Variants in CDC14B observed in about 807,000 individuals in gnomAD.
CDC14B encodes the protein cell division cycle 14B.
In CDC14B, 22 loss-of-function variants were observed where a neutral mutation model predicts 64.2. That is an observed-to-expected ratio of 0.34 (90% CI 0.24 to 0.49). The LOEUF (loss-of-function observed/expected upper bound fraction) is 0.49. Among genes scored for constraint, CDC14B ranks in the 20% least tolerant of loss-of-function variants. CDC14B has a pLI of 0.99. For synonymous variants in CDC14B, 191 were observed against 215.8 expected (o/e 0.89, Z 1.01); for missense variants, 498 against 629.9 (o/e 0.79, Z 2.24).
At chr9:96,577,200 G>A (rs1844865619) in intron 1 of CDC14B, among the ~76,000 whole-genome samples, 1 of 148,732 alleles carries the variant, frequency 6.7e-6, no homozygotes, top group Non-Finnish European at 1.5e-5. Flanking sequence ...GCAGTGAGCA[G>A]AGATCACACC....
intron 4 of CDC14B, among the ~76,000 whole-genome samples, chr9:96,556,903 C>T (rs973245933): frequency 6.6e-6 from 1 of 152,170 alleles, no homozygotes; most frequent in Admixed American, 6.5e-5. Flanking sequence ...TCCAAGATCA[C>T]ACCGCCTATT....
rs553321476 is a variant in CDC14B at position 96,515,646 on chromosome 9, T to TA, written c.1344-5858dup. 5 of 1,563,336 alleles carry TA rather than the reference T, an allele frequency of 3.2e-6. No homozygotes were observed. The South Asian group carries it at 3.5e-5, about 11-fold the overall frequency. On this transcript the variant is annotated intron_variant, in intron 12 of 13. Coordinates refer to ENST00000375241, the MANE Select transcript of CDC14B (RefSeq NM_033331.4). The surrounding 1 kb of genome is among the most constrained non-coding windows in gnomAD (Gnocchi z 4.3). ...CGGCAGAGAAACAGAACGGGACACT[T>TA]ACAGCAGCTATCTGTCAGGGGGTCC...
Position 96,512,211 on chromosome 9 carries a change from T to TAA in CDC14B, c.1344-2424_1344-2423dup, listed in dbSNP as rs61561306. On this transcript the variant is annotated intron_variant, in intron 12 of 13. Transcript: ENST00000375241. Reference sequence around the variant, plus strand: ...CCAGCCAGGTGATAGAGACTTTGTATAAAAAAAAAAAAGAAGAGTGTATAT... The same window carrying TAA: ...CCAGCCAGGTGATAGAGACTTTGTATAAAAAAAAAAAAAAGAAGAGTGTATAT... Among the ~76,000 whole-genome samples, 343 of 135,632 alleles carry TAA rather than the reference T, an allele frequency of 2.5e-3. 1 individual carries two copies. Among genetic ancestry groups the TAA allele is most frequent in the African/African-American group, 8.7e-3 (321 of 36,844 alleles). 89.0% of individuals were successfully genotyped at this position (135,632 alleles called of 152,430 possible).
chr9:96,510,090 T>C (rs1564199801), intron 12 of CDC14B, among the ~76,000 whole-genome samples: 1 of 152,170 alleles, frequency 6.6e-6, no homozygotes, highest in Non-Finnish European at 1.5e-5. Context: ...AAAGAAATCT[T>C]TGTGCCCAAC....
In CDC14B at chr9:96,509,770, C is replaced by T. The variant is rs1309752202; in HGVS notation, c.1363G>A (p.Val455Ile). 3 of 1,605,472 alleles carry T rather than the reference C, an allele frequency of 1.9e-6. No homozygotes were observed. In the Admixed American group the frequency reaches 5.0e-5, roughly 27 times the overall value. Residue 455 changes from valine (V) to isoleucine (I), a missense_variant, in exon 13 of 14, where the codon GTT becomes ATT. Val to Ile is a conservative substitution (Grantham distance 29, BLOSUM62 3). Transcript: ENST00000375241. ...IPLTVILQSS[V>I]QSCKTSEPNI... ...GGTTCAGATGTTTTACAGCTCTGAA[C>T]ACTGGATTGAAGAATTACTCTGAAA...
rs1839685329 is a variant in CDC14B, at chr9:96,539,073, C to G, written c.627+5G>C. 6.3e-7 allele frequency: 1 copy of G among 1,589,366 alleles called. No homozygotes were observed. The highest frequency in any genetic ancestry group is 1.3e-5 in the African/African-American group (1 of 74,486). On this transcript the variant is annotated splice_donor_5th_base_variant and intron_variant, in intron 7 of 13. Transcript: ENST00000375241. ...GAGTTGAAAACATGATCCTTGAAGA[C>G]TTACTTCATAGTGTTCATATTCATC...
chr9:96,505,442 A>G (rs75856051), intron 13 of CDC14B, among the ~76,000 whole-genome samples: 2,084 of 152,302 alleles, frequency 0.014, 47 homozygotes, highest in African/African-American at 0.047. Context: ...ATAAGCTAAC[A>G]AACACGCACC....
chr9:96,593,958 AT>A (rs778483487), intron 1 of CDC14B, among the ~76,000 whole-genome samples: 27 of 152,326 alleles, frequency 1.8e-4, no homozygotes, highest in Non-Finnish European at 3.5e-4. Context: ...TGAAGAAAAT[AT>A]TTAGACGTAA....
chr9:96,548,753 A>C (rs1841359841), intron 5 of CDC14B, among the ~76,000 whole-genome samples: 1 of 151,834 alleles, frequency 6.6e-6, no homozygotes, highest in South Asian at 2.1e-4. Context: ...GTGAGCCAAG[A>C]TTGCGCCACT....
At chr9:96,549,658 C>G (rs932544201) in intron 5 of CDC14B, among the ~76,000 whole-genome samples, 11 of 149,146 alleles carry the variant, frequency 7.4e-5, no homozygotes, top group Non-Finnish European at 1.5e-4. Flanking sequence ...AGCAAGACTC[C>G]GTCTAAAAAA....
exon 14 of CDC14B, chr9:96,492,332 AG>A (rs1030705917): frequency 9.2e-5 from 14 of 152,482 alleles, no homozygotes; most frequent in African/African-American, 3.1e-4. Flanking sequence ...TTGTGCCACC[AG>A]GGCGGCTCCT....
intron 12 of CDC14B, among the ~76,000 whole-genome samples, chr9:96,511,066 A>C (rs1431577176): frequency 6.6e-6 from 1 of 152,168 alleles, no homozygotes; most frequent in Non-Finnish European, 1.5e-5. Context: ...GCCAATAACA[A>C]CTTATGAGAA....
chr9:96,511,621 G>A lies in CDC14B; in HGVS notation c.1344-1832C>T, dbSNP rs1270791332. On this transcript the variant is annotated intron_variant, in intron 12 of 13. Transcript: ENST00000375241. ...GGCCAGCGGTCCCAAGCCTTCTGGG[G>A]AGAAGGGGATGGGCAGCTTTCCCCA... Among the ~76,000 whole-genome samples the A allele has an allele frequency of 3.3e-5, 5 of 152,196 alleles. No homozygotes were observed. In the East Asian group the frequency reaches 9.6e-4, roughly 29 times the overall value.
chr9:96,537,595 T>C (rs1036741197), intron 7 of CDC14B, among the ~76,000 whole-genome samples: 1 of 152,234 alleles, frequency 6.6e-6, no homozygotes, highest in Non-Finnish European at 1.5e-5. Context: ...TCTTTATCAC[T>C]ACTGGAGAAG....
chr9:96,591,992 G>A (rs1282071145), intron 1 of CDC14B, among the ~76,000 whole-genome samples: 2 of 152,086 alleles, frequency 1.3e-5, no homozygotes, highest in South Asian at 2.1e-4. Flanking sequence ...TGATCTGCCC[G>A]CCTCGGCCTC....
At chr9:96,571,817 T>C (rs560360944) in intron 1 of CDC14B, among the ~76,000 whole-genome samples, 1 of 152,252 alleles carries the variant, frequency 6.6e-6, no homozygotes, top group South Asian at 2.1e-4. Flanking sequence ...AGGGCTCTAA[T>C]ATGACTGTGA....
intron 1 of CDC14B, among the ~76,000 whole-genome samples, chr9:96,619,016 G>A (rs967022940): frequency 6.6e-6 from 1 of 151,450 alleles, no homozygotes; most frequent in Non-Finnish European, 1.5e-5. Flanking sequence ...CGCAGCCCAC[G>A]CAGCTAGAAA....
chr9:96,561,806 A>G (rs1237969829), intron 4 of CDC14B, among the ~76,000 whole-genome samples: 2 of 151,830 alleles, frequency 1.3e-5, no homozygotes, highest in Non-Finnish European at 2.9e-5. Flanking sequence ...CTTTTTTTCA[A>G]GTCTCAGAGA....
At chr9:96,556,367 G>A (rs1842507342) in intron 4 of CDC14B, among the ~76,000 whole-genome samples, 1 of 151,710 alleles carries the variant, frequency 6.6e-6, no homozygotes, top group Non-Finnish European at 1.5e-5. Flanking sequence ...ACTCTCTCCA[G>A]ATTAACAAAG....
Sources: allele counts gnomAD v4.1 joint callset (sites outside exome capture counted in the v4.1 genomes callset), GRCh38; gene constraint gnomAD v4.1.1; non-coding constraint Gnocchi (gnomAD v3.1); transcripts MANE v1.5; gene names NCBI Gene and HGNC (gene_info 2026-07-23, HGNC 2026-07-21).